Variants in CCAR1 observed in about 807,000 individuals in gnomAD.
CCAR1 encodes the protein cell division cycle and apoptosis regulator 1, also known as cell division cycle and apoptosis regulator protein 1.
CCAR1 carries 78 observed loss-of-function variants against 163.8 expected under a neutral mutation model. The ratio of observed to expected loss-of-function variants is 0.48; its 90% CI spans 0.40 to 0.57. The LOEUF is 0.57. Among genes scored for constraint, CCAR1 ranks in the 20% least tolerant of loss-of-function variants. CCAR1 has a pLI of 0.00. For missense variants in CCAR1, 1,019 were observed against 1,365.2 expected, an observed-to-expected ratio of 0.75 and a Z score of 4.00; for synonymous variants, 443 against 460.7, an observed-to-expected ratio of 0.96 and a Z score of 0.49.
chr10:68,758,965 C>A (rs866454736), intron 15 of CCAR1, among the ~76,000 whole-genome samples: 3 of 152,262 alleles, frequency 2.0e-5, no homozygotes, highest in African/African-American at 7.2e-5. Context: ...ATCCTCCTCC[C>A]CTGGCCCGCT....
At chr10:68,783,409 G>A (rs918999536) in intron 19 of CCAR1, among the ~76,000 whole-genome samples, 13 of 151,698 alleles carry the variant, frequency 8.6e-5, no homozygotes, top group African/African-American at 2.7e-4. Flanking sequence ...TCCTGACCTC[G>A]TGATCTGTCT....
intron 10 of CCAR1, among the ~76,000 whole-genome samples, chr10:68,750,480 C>G (rs776215347): frequency 6.6e-5 from 10 of 152,132 alleles, no homozygotes; most frequent in Non-Finnish European, 1.2e-4. Flanking sequence ...CTGCCTGGCC[C>G]TCCCAAAGTG....
At chr10:68,755,608 C>G (rs929952291) in intron 13 of CCAR1, 72 bp downstream of exon 13, 1 of 1,317,710 alleles carries the variant, frequency 7.6e-7, no homozygotes. Context: ...ATCGATCAGC[C>G]TTTTCCCCCC....
chr10:68,761,222 T>C (rs2056466005), intron 16 of CCAR1, 30 bp downstream of exon 16: 2 of 1,366,690 alleles, frequency 1.5e-6, no homozygotes, highest in South Asian at 3.1e-5. Flanking sequence ...TTATACTCTA[T>C]GGTATTAATA....
chr10:68,771,539 C>A, intron 18 of CCAR1, 94 bp downstream of exon 18: 1 of 1,137,848 alleles, frequency 8.8e-7, no homozygotes, highest in Non-Finnish European at 1.3e-6. Flanking sequence ...GATGTAAAAG[C>A]CAAACTGAAA....
chr10:68,732,210 T>G (rs1277817078), intron 2 of CCAR1, among the ~76,000 whole-genome samples: 1 of 152,140 alleles, frequency 6.6e-6, no homozygotes. Context: ...AAATGTCAAA[T>G]GCAGAACATG....
chr10:68,777,589 C>G (rs1047467354), intron 19 of CCAR1, among the ~76,000 whole-genome samples: 1 of 151,638 alleles, frequency 6.6e-6, no homozygotes, highest in Non-Finnish European at 1.5e-5. Context: ...GAGGCTGAGG[C>G]GTGAGAATCA....
At chr10:68,786,051 C>T in intron 19 of CCAR1, 85 bp from the exon 20 acceptor site, 1 of 858,632 alleles carries the variant, frequency 1.2e-6, no homozygotes, top group South Asian at 1.5e-5. Flanking sequence ...TCCTGAGTAG[C>T]TGGGATAACA....
chr10:68,726,271 C>T (rs2055945079), intron 2 of CCAR1, among the ~76,000 whole-genome samples: 1 of 151,874 alleles, frequency 6.6e-6, no homozygotes, highest in South Asian at 2.1e-4. Context: ...CGTGCCTCAG[C>T]CTCCCAAGTA....
intron 17 of CCAR1, among the ~76,000 whole-genome samples, chr10:68,766,587 TATG>T (rs1246216755): frequency 6.9e-6 from 1 of 145,066 alleles, no homozygotes; most frequent in Non-Finnish European, 1.5e-5. Context: ...AGTGCAGTGA[TATG>T]ATATCTGCTC....
intron 2 of CCAR1, among the ~76,000 whole-genome samples, chr10:68,723,418 C>T (rs1391953737): frequency 1.3e-5 from 2 of 151,660 alleles, no homozygotes; most frequent in Admixed American, 1.3e-4. Flanking sequence ...CGTAAGCCAC[C>T]GCACCCGGCA....
At chr10:68,722,087 C>T (rs1451005767) in intron 1 of CCAR1, among the ~76,000 whole-genome samples, 1 of 152,166 alleles carries the variant, frequency 6.6e-6, no homozygotes, top group Non-Finnish European at 1.5e-5. Context: ...AACCCATTGC[C>T]AGAAGAAACA....
chr10:68,790,672 G>A (rs905200927), intron 24 of CCAR1, among the ~76,000 whole-genome samples: 1 of 151,992 alleles, frequency 6.6e-6, no homozygotes, highest in African/African-American at 2.4e-5. Context: ...GGGACTACAG[G>A]TGTGCTCCAG....
At chr10:68,783,702 C>A (rs1219836235) in intron 19 of CCAR1, among the ~76,000 whole-genome samples, 1 of 151,644 alleles carries the variant, frequency 6.6e-6, no homozygotes, top group Admixed American at 6.6e-5. Flanking sequence ...AGAAATGCAG[C>A]CTGAAGATGG....
intron 5 of CCAR1, among the ~76,000 whole-genome samples, chr10:68,741,068 C>T (rs547881043): frequency 6.6e-6 from 1 of 151,866 alleles, no homozygotes; most frequent in Non-Finnish European, 1.5e-5. Context: ...CGCCTGCCAC[C>T]ACGCCTGGCT....
intron 19 of CCAR1, among the ~76,000 whole-genome samples, chr10:68,783,912 G>A (rs577929394): frequency 3.3e-5 from 5 of 151,360 alleles, no homozygotes; most frequent in South Asian, 2.1e-4. Context: ...CCGCCACCAC[G>A]CCTGGCAAAT....
intron 2 of CCAR1, among the ~76,000 whole-genome samples, chr10:68,726,436 C>A (rs1291071579): frequency 6.6e-6 from 1 of 151,934 alleles, no homozygotes; most frequent in African/African-American, 2.4e-5. Flanking sequence ...CAGGCGTGAG[C>A]CACTGCGCCT....
rs757835849 is a variant in CCAR1 at position 68,749,125 on chromosome 10, A to G, written c.827-11A>G. The stretch of plus-strand genomic sequence containing the variant: ...GACACGCTAAACGTTTTTTTCTTTT[A>G]TCTTTTAAAGCTGGTTTATTGCAGC... On this transcript the variant is annotated splice_polypyrimidine_tract_variant and intron_variant, in intron 8 of 24. Transcript: ENST00000265872. The G allele has an allele frequency of 4.3e-6, 7 of 1,613,050 alleles. No individual in the cohort carries two copies. The Admixed American group carries it at 5.0e-5, about 12-fold the overall frequency.
chr10:68,757,377 G>T lies in CCAR1; in HGVS notation c.1920G>T (p.Lys640Asn). 1.3e-6 allele frequency: 2 copies of T among 1,504,636 alleles called. No homozygotes were observed. Among genetic ancestry groups the T allele is most frequent in the Non-Finnish European group, 1.8e-6 (2 of 1,087,048 alleles). The allele number at this position is 1,504,636 out of a possible 1,614,324, so 93.2% of individuals were successfully genotyped here. Residue 640 changes from lysine (K) to asparagine (N), a missense_variant and splice_region_variant, in exon 15 of 25, where the codon AAG (lysine) becomes AAT (asparagine). Lys to Asn is a moderately conservative substitution (Grantham distance 94, BLOSUM62 0). Transcript: ENST00000265872. Reference sequence around the variant, plus strand: ...CTAAACTTGATCCAAAGACAATGAAGGTAACTTTGATAAGGATGGATTTTA... The same window carrying T: ...CTAAACTTGATCCAAAGACAATGAATGTAACTTTGATAAGGATGGATTTTA... ...HWSKLDPKTMKVNDLRKELES... is the reference protein window; with the variant it reads ...HWSKLDPKTMNVNDLRKELES...
Sources: gnomAD v4.1 joint callset for allele counts (sites outside exome capture counted in the v4.1 genomes callset) on GRCh38, gnomAD v4.1.1 for gene constraint, MANE v1.5 for transcripts, NCBI Gene and HGNC (gene_info 2026-07-23, HGNC 2026-07-21) for gene names.